Variants in DNAJC18 observed in about 807,000 individuals in gnomAD.
DNAJC18 encodes DnaJ heat shock protein family (Hsp40) member C18, also known as dnaJ homolog subfamily C member 18.
DNAJC18 carries 40 observed loss-of-function variants against 48.6 expected under a neutral mutation model. That is an observed-to-expected ratio of 0.82 (90% CI 0.64 to 1.07). The LOEUF is 1.07. Among genes scored for constraint, DNAJC18 ranks in the 50% least tolerant of loss-of-function variants. The pLI is 0.00. For synonymous variants in DNAJC18, 135 were observed against 152.2 expected (o/e 0.89, Z 0.83); for missense variants, 340 against 427.7 (o/e 0.79, Z 1.81).
chr5:139,424,614 AGAGGCTGAGGTGG>A (rs1759203681), intron 5 of DNAJC18, among the ~76,000 whole-genome samples: 1 of 146,078 alleles, frequency 6.8e-6, no homozygotes, highest in African/African-American at 2.5e-5. Context: ...CAGCTACATG[AGAGGCTGAGGTGG>A]GAGGATTGGT....
chr5:139,432,513 C>A (rs1759346192), intron 2 of DNAJC18, among the ~76,000 whole-genome samples: 1 of 152,144 alleles, frequency 6.6e-6, no homozygotes, highest in Non-Finnish European at 1.5e-5. Flanking sequence ...GTCACCCAGG[C>A]TGGAGTGCAG....
intron 3 of DNAJC18, among the ~76,000 whole-genome samples, chr5:139,427,013 T>C (rs1248919428): frequency 6.6e-6 from 1 of 152,122 alleles, no homozygotes; most frequent in African/African-American, 2.4e-5. Flanking sequence ...GCCCTGCATC[T>C]GGCCAAAAAA....
At chr5:139,438,818 T>C (rs946692331) in intron 1 of DNAJC18, among the ~76,000 whole-genome samples, 1 of 152,156 alleles carries the variant, frequency 6.6e-6, no homozygotes, top group Admixed American at 6.5e-5. Flanking sequence ...GCGTTTTGTA[T>C]TATTCGCCCG....
At chr5:139,418,435 C>A (rs1410487068) in intron 7 of DNAJC18, among the ~76,000 whole-genome samples, 1 of 152,240 alleles carries the variant, frequency 6.6e-6, no homozygotes, top group African/African-American at 2.4e-5. Flanking sequence ...AGCTACCATG[C>A]CTGGCCTATA....
At chr5:139,419,245 G>A (rs948457875) in intron 7 of DNAJC18, 4 of 414,314 alleles carry the variant, frequency 9.7e-6, no homozygotes, top group African/African-American at 6.2e-5. Flanking sequence ...CGCGGTATGT[G>A]TGTGTAGAAT....
At chr5:139,438,009 C>G (rs1581425246) in intron 1 of DNAJC18, among the ~76,000 whole-genome samples, 1 of 152,304 alleles carries the variant, frequency 6.6e-6, no homozygotes, top group Middle Eastern at 3.4e-3. Flanking sequence ...AATACAAATT[C>G]GTAAACTTTC....
rs1045072840 is a variant in DNAJC18, at chr5:139,439,411, G to T, written c.35C>A (p.Thr12Lys). ...AATLGSGERW[T>K]EAYIDAVRRN... ...TTCAGGCGGGGACCTAGTACCTTCC[G>T]TCCAGCGCTCCCCGCTGCCCAGAGT... Residue 12 changes from threonine (T) to lysine (K), a missense_variant, in exon 1 of 8, where the codon ACG (threonine) becomes AAG (lysine). Coordinates refer to ENST00000302060, the MANE Select transcript of DNAJC18 (RefSeq NM_152686.4). The surrounding 1 kb of genome is among the most constrained non-coding windows in gnomAD (Gnocchi z 4.1). 1 of 1,613,892 alleles carries T rather than the reference G, an allele frequency of 6.2e-7. No homozygotes were observed. The highest frequency in any genetic ancestry group is 1.3e-5 in the African/African-American group (1 of 74,942).
In DNAJC18 at chr5:139,412,240, GCATT is replaced by G. The variant is rs1759005769; in HGVS notation, c.*1904_*1907del. The stretch of plus-strand genomic sequence containing the variant: ...GCACGTCTGTGTAAATCATGGCCAT[GCATT>G]GGGATGAAGAAACTTTACTTTGGAA... On this transcript the variant is annotated 3_prime_UTR_variant, in exon 8 of 8. Transcript: ENST00000302060. 1 of 152,470 alleles carries G rather than the reference GCATT, an allele frequency of 6.6e-6. No individual in the cohort carries two copies. Among genetic ancestry groups the G allele is most frequent in the Admixed American group, 6.5e-5 (1 of 15,288 alleles). 9.4% of individuals were successfully genotyped at this position (152,470 alleles called of 1,614,324 possible). A position where few individuals can be genotyped will look rare whatever the true frequency, so the allele number is the denominator to read the frequency against.
In DNAJC18 at chr5:139,428,697, C is replaced by T. The variant is rs774314469; in HGVS notation, c.228-14G>A. On this transcript the variant is annotated splice_polypyrimidine_tract_variant and intron_variant, in intron 2 of 7. Transcript: ENST00000302060. Reference sequence around the variant, plus strand: ...CATTTCTTGATCCTAAAAAAAATCACAAGCATGTATGTCTATAAAGGTCCC... The same window carrying T: ...CATTTCTTGATCCTAAAAAAAATCATAAGCATGTATGTCTATAAAGGTCCC... 1 of 1,608,006 alleles carries T rather than the reference C, an allele frequency of 6.2e-7. No individual in the cohort carries two copies. The highest frequency in any genetic ancestry group is 1.7e-5 in the Admixed American group (1 of 58,868).
chr5:139,421,480 C>T (rs1759151341), intron 6 of DNAJC18, among the ~76,000 whole-genome samples: 1 of 151,608 alleles, frequency 6.6e-6, no homozygotes, highest in South Asian at 2.1e-4. Flanking sequence ...AAAAAGAAAC[C>T]TCTCTTTCAG....
intron 2 of DNAJC18, among the ~76,000 whole-genome samples, chr5:139,429,474 C>T (rs1289963163): frequency 1.3e-5 from 2 of 152,188 alleles, no homozygotes; most frequent in Non-Finnish European, 2.9e-5. Context: ...CCTGCTTCAT[C>T]ATTCCCTGTC....
At chr5:139,434,568 C>T (rs553999869) in intron 2 of DNAJC18, among the ~76,000 whole-genome samples, 1 of 152,184 alleles carries the variant, frequency 6.6e-6, no homozygotes, top group Admixed American at 6.5e-5. Context: ...AGAGATCCTC[C>T]TATCTCAGCC....
rs1324202211 is a variant in DNAJC18 at position 139,412,677 on chromosome 5, G to T, written c.*1471C>A. On this transcript the variant is annotated 3_prime_UTR_variant, in exon 8 of 8. Coordinates refer to ENST00000302060, the MANE Select transcript of DNAJC18 (RefSeq NM_152686.4). ...ATAATTCAGGCAGCTCAGCTCCACA[G>T]GAAGGCCCAGAACCACACAGCCCAG... 1.0e-5 allele frequency: 4 copies of T among 398,600 alleles called. No homozygotes were observed. The highest frequency in any genetic ancestry group is 8.2e-5 in the African/African-American group (4 of 48,640). 24.7% of individuals were successfully genotyped at this position (398,600 alleles called of 1,614,324 possible).
rs187463897 is a variant in DNAJC18, at chr5:139,431,775, A to G, written c.228-3092T>C. On this transcript the variant is annotated intron_variant, in intron 2 of 7. Coordinates refer to ENST00000302060, the MANE Select transcript of DNAJC18 (RefSeq NM_152686.4). Reference sequence around the variant, plus strand: ...CTTCTGAACCTTAAGAGGAATTGCCATATTGTTTTCCAAACTGGCTGCATT... The same window carrying G: ...CTTCTGAACCTTAAGAGGAATTGCCGTATTGTTTTCCAAACTGGCTGCATT... Among the ~76,000 whole-genome samples, 950 of 152,358 alleles carry G rather than the reference A, an allele frequency of 6.2e-3. 14 individuals are homozygous for G. The highest frequency in any genetic ancestry group is 0.018 in the African/African-American group (737 of 41,588).
At position 139,413,910 on chromosome 5, in the gene DNAJC18, C is replaced by G; in HGVS notation, c.*238G>C. The G allele has an allele frequency of 2.0e-6, 1 of 501,876 alleles. No individual in the cohort carries two copies. Among genetic ancestry groups the G allele is most frequent in the Non-Finnish European group, 3.4e-6 (1 of 290,564 alleles). 31.1% of individuals were successfully genotyped at this position (501,876 alleles called of 1,614,324 possible). A position where few individuals can be genotyped will look rare whatever the true frequency, so the allele number is the denominator to read the frequency against. On this transcript the variant is annotated 3_prime_UTR_variant, in exon 8 of 8. Transcript: ENST00000302060. ...TGGAGCAGGGAGACGGAATCCAATG[C>G]CTTGCCATTAATTTAACTTAGATGA... is the stretch of plus-strand genomic sequence containing the variant.
chr5:139,417,118 A>G (rs1466954509), intron 7 of DNAJC18, among the ~76,000 whole-genome samples: 2 of 148,370 alleles, frequency 1.3e-5, no homozygotes, highest in African/African-American at 5.0e-5. Context: ...TGAACCTGGG[A>G]GGTGGAGGTT....
rs1375937494 is a variant in DNAJC18, at chr5:139,413,394, A to G, written c.*754T>C. 6.6e-6 allele frequency: 1 copy of G among 152,620 alleles called. No individual in the cohort carries two copies. Among genetic ancestry groups the G allele is most frequent in the African/African-American group, 2.4e-5 (1 of 41,474 alleles). The allele number at this position is 152,620 out of a possible 1,614,324, so 9.5% of individuals were successfully genotyped here. ...ATACTGAGGGGAAATGACCGAAGGG[A>G]CATTCTCTGGGTTCTATGATGGAGT... is the stretch of plus-strand genomic sequence containing the variant. On this transcript the variant is annotated 3_prime_UTR_variant, in exon 8 of 8. Transcript: ENST00000302060.
intron 3 of DNAJC18, among the ~76,000 whole-genome samples, chr5:139,426,777 C>T (rs1759250391): frequency 6.6e-6 from 1 of 152,120 alleles, no homozygotes. Flanking sequence ...CCTATAATCC[C>T]AGCACTTTGG....
At chr5:139,435,704 A>ATTTTTTTTTTTTTTTTTTTT (rs1561470246) in intron 2 of DNAJC18, among the ~76,000 whole-genome samples, 1 of 20,136 alleles carries the variant, frequency 5.0e-5, no homozygotes, top group Non-Finnish European at 1.2e-4. Flanking sequence ...CTTCATTGGA[A>ATTTTTTTTTTTTTTTTTTTT]GTTTTTTTTT....
Sources: allele counts gnomAD v4.1 joint callset (sites outside exome capture counted in the v4.1 genomes callset), GRCh38; gene constraint gnomAD v4.1.1; non-coding constraint Gnocchi (gnomAD v3.1); transcripts MANE v1.5; gene names NCBI Gene and HGNC (gene_info 2026-07-23, HGNC 2026-07-21).